DZANK1: variants seen among roughly 807,000 people sequenced by gnomAD.
DZANK1 encodes the protein double zinc ribbon and ankyrin repeat domains 1.
Under a neutral mutation model 94.5 loss-of-function variants are expected in DZANK1, and 91 were observed. That is an observed-to-expected ratio of 0.96 (90% CI 0.81 to 1.15). The LOEUF (loss-of-function observed/expected upper bound fraction) is 1.15. DZANK1 is among the 50% of genes most tolerant of loss of function. DZANK1 has a pLI of 0.00. For missense variants in DZANK1, 903 were observed against 916.4 expected, an observed-to-expected ratio of 0.99 and a Z score of 0.19; for synonymous variants, 312 against 325.3, an observed-to-expected ratio of 0.96 and a Z score of 0.44.
At chr20:18,457,009 C>T (rs2059315225) in intron 3 of DZANK1, among the ~76,000 whole-genome samples, 1 of 152,148 alleles carries the variant, frequency 6.6e-6, no homozygotes, top group African/African-American at 2.4e-5. Context: ...TTTACATTCC[C>T]ACCAGCAGTA....
intron 4 of DZANK1, among the ~76,000 whole-genome samples, chr20:18,454,907 G>A (rs1403883098): frequency 6.6e-6 from 1 of 152,214 alleles, no homozygotes; most frequent in Non-Finnish European, 1.5e-5. Context: ...AGTATATGTA[G>A]GGGGTTGACA....
intron 4 of DZANK1, among the ~76,000 whole-genome samples, 165 bp downstream of exon 4, chr20:18,455,082 G>T (rs1357390371): frequency 6.6e-6 from 1 of 152,218 alleles, no homozygotes; most frequent in African/African-American, 2.4e-5. Flanking sequence ...ACTGACAAAA[G>T]GCTGAGAAAT....
chr20:18,410,050 A>G (rs911005904), intron 13 of DZANK1, among the ~76,000 whole-genome samples: 1 of 151,732 alleles, frequency 6.6e-6, no homozygotes, highest in African/African-American at 2.4e-5. Context: ...AAAAAAAAAA[A>G]AAAAGGGAGG....
chr20:18,455,226 G>C, intron 4 of DZANK1, 21 bp downstream of exon 4: 1 of 1,554,150 alleles, frequency 6.4e-7, no homozygotes, highest in Non-Finnish European at 8.8e-7. Flanking sequence ...AATCTGAATG[G>C]ATTATAGTTT....
chr20:18,411,481 A>T (rs1258893303), intron 13 of DZANK1, among the ~76,000 whole-genome samples: 1 of 152,216 alleles, frequency 6.6e-6, no homozygotes, highest in Admixed American at 6.5e-5. Flanking sequence ...AGTAAAGAGT[A>T]ATCAGAATTG....
intron 2 of DZANK1, among the ~76,000 whole-genome samples, chr20:18,461,642 C>G (rs1285381839): frequency 6.7e-6 from 1 of 149,004 alleles, no homozygotes; most frequent in Non-Finnish European, 1.5e-5. Flanking sequence ...TCCTGTCATC[C>G]TGACTGGAGT....
At chr20:18,386,148 T>A (rs546310483) in intron 19 of DZANK1, among the ~76,000 whole-genome samples, 26 of 152,234 alleles carry the variant, frequency 1.7e-4, no homozygotes, top group African/African-American at 6.0e-4. Context: ...TTGATCCCTA[T>A]GGAGAAAAAG....
intron 10 of DZANK1, among the ~76,000 whole-genome samples, chr20:18,426,075 C>T (rs1018320444): frequency 1.2e-4 from 18 of 152,166 alleles, no homozygotes; most frequent in African/African-American, 3.9e-4. Flanking sequence ...TCCCCAACCC[C>T]CGGGCCATGG....
intron 19 of DZANK1, among the ~76,000 whole-genome samples, chr20:18,385,844 G>GC (rs2048456211): frequency 6.6e-6 from 1 of 152,170 alleles, no homozygotes; most frequent in African/African-American, 2.4e-5. Flanking sequence ...CAGGGGGCAG[G>GC]CCTGAGAGGT....
In DZANK1 at chr20:18,412,634, C is replaced by T. The variant is rs2057310570; in HGVS notation, c.1432+12G>A. Reference sequence around the variant, plus strand: ...CCCTCCCGACCAGAAGAAAGGGCATCCTCCCCCTTACCTCTTCCTGGGCTG... The same window carrying T: ...CCCTCCCGACCAGAAGAAAGGGCATTCTCCCCCTTACCTCTTCCTGGGCTG... On this transcript the variant is annotated intron_variant, in intron 13 of 20. Coordinates refer to ENST00000262547, the Ensembl canonical transcript of DZANK1. 1 of 1,611,362 alleles carries T rather than the reference C, an allele frequency of 6.2e-7. No homozygotes were observed. The highest frequency in any genetic ancestry group is 2.2e-5 in the East Asian group (1 of 44,882).
chr20:18,389,888 C>A, intron 18 of DZANK1, 60 bp from the exon 19 acceptor site: 3 of 1,601,664 alleles, frequency 1.9e-6, no homozygotes, highest in South Asian at 2.2e-5. Flanking sequence ...AGCATCCAGT[C>A]GCCATCCTAT....
chr20:18,460,086 A>G, intron 3 of DZANK1, 67 bp downstream of exon 3: 1 of 1,183,852 alleles, frequency 8.4e-7, no homozygotes, highest in South Asian at 2.6e-5. Flanking sequence ...ATAGGAAAAA[A>G]TGAATAAAAT....
intron 17 of DZANK1, among the ~76,000 whole-genome samples, chr20:18,393,327 C>T (rs1212990158): frequency 1.3e-5 from 2 of 152,230 alleles, no homozygotes; most frequent in Non-Finnish European, 2.9e-5. Context: ...CATGCCTGTC[C>T]ACTCACACAG....
chr20:18,463,783 G>T (rs2059553347), intron 2 of DZANK1, among the ~76,000 whole-genome samples: 1 of 152,026 alleles, frequency 6.6e-6, no homozygotes, highest in African/African-American at 2.4e-5. Flanking sequence ...CATATGCTTA[G>T]TTAGAACTCT....
chr20:18,435,200 T>C (rs1203528600), intron 8 of DZANK1, among the ~76,000 whole-genome samples: 1 of 152,160 alleles, frequency 6.6e-6, no homozygotes, highest in African/African-American at 2.4e-5. Context: ...AGTGGAGGCT[T>C]TCCTGGATGG....
intron 13 of DZANK1, among the ~76,000 whole-genome samples, chr20:18,400,492 C>T (rs2056614411): frequency 6.6e-6 from 1 of 152,118 alleles, no homozygotes; most frequent in Admixed American, 6.5e-5. Flanking sequence ...GCAGCCTTCT[C>T]CTGCTCTGAA....
chr20:18,435,985 C>T (rs2058505837), intron 8 of DZANK1, among the ~76,000 whole-genome samples: 1 of 152,108 alleles, frequency 6.6e-6, no homozygotes, highest in South Asian at 2.1e-4. Context: ...AATATACTAC[C>T]TGACGCAGTC....
At chr20:18,425,314 G>C (rs867814783) in intron 10 of DZANK1, among the ~76,000 whole-genome samples, 2 of 152,070 alleles carry the variant, frequency 1.3e-5, no homozygotes, top group Non-Finnish European at 2.9e-5. Flanking sequence ...GCACTTTGTG[G>C]GGCCGAGTTG....
Position 18,449,089 on chromosome 20 carries a change from T to G in DZANK1, c.544-20A>C. The G allele has an allele frequency of 6.3e-7, 1 of 1,597,290 alleles. No individual in the cohort carries two copies. Among genetic ancestry groups the G allele is most frequent in the Non-Finnish European group, 8.6e-7 (1 of 1,165,588 alleles). Reference sequence around the variant, plus strand: ...GGGGGACTAAAATTAAGAATATAGGTATAAAGACAGAGTCATATAGTCAAA... The same window carrying G: ...GGGGGACTAAAATTAAGAATATAGGGATAAAGACAGAGTCATATAGTCAAA... On this transcript the variant is annotated intron_variant, in intron 6 of 20. Coordinates refer to ENST00000262547, the Ensembl canonical transcript of DZANK1.
Sources: gnomAD v4.1 joint callset for allele counts (sites outside exome capture counted in the v4.1 genomes callset) on GRCh38, gnomAD v4.1.1 for gene constraint, MANE v1.5 for transcripts, NCBI Gene and HGNC (gene_info 2026-07-23, HGNC 2026-07-21) for gene names.